Variants in DOCK9 observed in about 807,000 individuals in gnomAD.
DOCK9 encodes dedicator of cytokinesis 9, also known as dedicator of cytokinesis protein 9.
DOCK9 carries 89 observed loss-of-function variants against 263.3 expected under a neutral mutation model. The ratio of observed to expected loss-of-function variants is 0.34; its 90% confidence interval spans 0.28 to 0.40. The LOEUF is 0.40. DOCK9 is among the 10% of genes least tolerant of loss of function. The pLI is 1.00. For missense variants in DOCK9, 2,140 were observed against 2,603.4 expected (o/e 0.82, Z 3.87); for synonymous variants, 976 against 973.1 (o/e 1.00, Z -0.06).
At chr13:99,083,148 C>T (rs962422606) in intron 1 of DOCK9, among the ~76,000 whole-genome samples, 1 of 151,810 alleles carries the variant, frequency 6.6e-6, no homozygotes, top group Non-Finnish European at 1.5e-5. Flanking sequence ...CCAGCTACTC[C>T]GGAGGCTGAG....
At chr13:98,879,776 G>T in intron 27 of DOCK9, 122 bp downstream of exon 27, 1 of 703,088 alleles carries the variant, frequency 1.4e-6, no homozygotes, top group Non-Finnish European at 2.3e-6. Context: ...TTTATTACTT[G>T]TAAAGCACTT....
intron 32 of DOCK9, among the ~76,000 whole-genome samples, chr13:98,862,798 G>A (rs2093912250): frequency 6.6e-6 from 1 of 152,158 alleles, no homozygotes; most frequent in Non-Finnish European, 1.5e-5. Context: ...ACAAGCCAGA[G>A]AGCACCAAAA....
At chr13:98,949,409 C>T (rs2057133019) in intron 2 of DOCK9, among the ~76,000 whole-genome samples, 1 of 152,118 alleles carries the variant, frequency 6.6e-6, no homozygotes. Context: ...GCTTGAGTTA[C>T]TCATTCACAA....
intron 1 of DOCK9, among the ~76,000 whole-genome samples, chr13:99,002,114 C>T (rs1329881912): frequency 6.6e-6 from 1 of 152,202 alleles, no homozygotes; most frequent in Non-Finnish European, 1.5e-5. Context: ...CATTGTGCAT[C>T]AGTCAAGTAA....
chr13:98,989,335 ATGATGATGATG>A (rs1167057186), intron 1 of DOCK9, among the ~76,000 whole-genome samples: 4 of 128,116 alleles, frequency 3.1e-5, no homozygotes, highest in Middle Eastern at 4.2e-3. Flanking sequence ...GATGATGATG[ATGATGATGATG>A]ATAATAATAA....
chr13:99,087,460 G>C (rs1280081619), upstream of DOCK9, among the ~76,000 whole-genome samples: 1 of 152,220 alleles, frequency 6.6e-6, no homozygotes, highest in African/African-American at 2.4e-5. Flanking sequence ...CCTCCGCGCC[G>C]GACCGCCAGG....
chr13:99,067,454 G>A (rs1566381233), intron 1 of DOCK9, among the ~76,000 whole-genome samples: 1 of 152,146 alleles, frequency 6.6e-6, no homozygotes, highest in Non-Finnish European at 1.5e-5. Flanking sequence ...TGAGAATGTG[G>A]AAAAAGATCA....
At chr13:98,834,788 C>CT (rs749962773) in intron 39 of DOCK9, among the ~76,000 whole-genome samples, 7 of 152,142 alleles carry the variant, frequency 4.6e-5, no homozygotes, top group Non-Finnish European at 7.4e-5. Flanking sequence ...CTGATACCTG[C>CT]TAAGTGTTTG....
chr13:98,831,884 G>A (rs1566642198), intron 39 of DOCK9, 98 bp from the exon 40 acceptor site: 20 of 1,428,336 alleles, frequency 1.4e-5, no homozygotes, highest in Non-Finnish European at 1.2e-5. Context: ...TAAGTATTAA[G>A]ACAACTTATA....
At chr13:98,962,643 A>G (rs980510700) in intron 1 of DOCK9, among the ~76,000 whole-genome samples, 8 of 152,022 alleles carry the variant, frequency 5.3e-5, no homozygotes, top group African/African-American at 1.2e-4. Context: ...GTTTTAAAAA[A>G]AAAAAAAAGA....
intron 1 of DOCK9, chr13:99,025,441 G>A (rs1407810261): frequency 1.3e-5 from 2 of 152,130 alleles, no homozygotes; most frequent in African/African-American, 4.8e-5. Flanking sequence ...AAGTCAAAAC[G>A]ACAATGAGCT....
At chr13:98,845,862 T>C in intron 38 of DOCK9, 62 bp downstream of exon 38, 4 of 1,588,276 alleles carry the variant, frequency 2.5e-6, no homozygotes, top group South Asian at 1.1e-5. Context: ...GGCCTAGGGC[T>C]CTCCCCTCTG....
intron 2 of DOCK9, among the ~76,000 whole-genome samples, chr13:98,932,857 G>A (rs1439357733): frequency 6.6e-6 from 1 of 152,056 alleles, no homozygotes; most frequent in Non-Finnish European, 1.5e-5. Flanking sequence ...CAGCCTCCTA[G>A]GTCCTGACTT....
intron 1 of DOCK9, among the ~76,000 whole-genome samples, chr13:98,974,156 G>A (rs540497326): frequency 4.6e-5 from 7 of 152,152 alleles, no homozygotes; most frequent in Admixed American, 4.6e-4. Flanking sequence ...TTACGTTAGA[G>A]TTTTGAAGGG....
intron 1 of DOCK9, among the ~76,000 whole-genome samples, chr13:99,061,285 C>T (rs9584979): frequency 3.2e-4 from 49 of 152,292 alleles, no homozygotes; most frequent in African/African-American, 1.2e-3. Flanking sequence ...CTGCTGTACA[C>T]TTTCTCCTCC....
intron 2 of DOCK9, among the ~76,000 whole-genome samples, chr13:98,951,162 C>T (rs1410037026): frequency 6.6e-6 from 1 of 152,046 alleles, no homozygotes; most frequent in South Asian, 2.1e-4. Flanking sequence ...GGTAAGACAA[C>T]AAAACAATAA....
intron 30 of DOCK9, among the ~76,000 whole-genome samples, chr13:98,863,869 G>A (rs1236138150): frequency 1.3e-5 from 2 of 152,142 alleles, no homozygotes; most frequent in Non-Finnish European, 2.9e-5. Flanking sequence ...CACAGCATAT[G>A]TTATATTACA....
chr13:99,059,795 A>G (rs796442141), intron 1 of DOCK9, among the ~76,000 whole-genome samples: 1 of 151,986 alleles, frequency 6.6e-6, no homozygotes, highest in Non-Finnish European at 1.5e-5. Context: ...GAAAGCTCAC[A>G]CCATCAGCAG....
intron 1 of DOCK9, among the ~76,000 whole-genome samples, chr13:99,002,190 G>A (rs1595877967): frequency 6.6e-6 from 1 of 152,100 alleles, no homozygotes; most frequent in Admixed American, 6.5e-5. Flanking sequence ...CCCCTTGGTC[G>A]CAGGGTTTGT....
Sources: allele counts gnomAD v4.1 joint callset (sites outside exome capture counted in the v4.1 genomes callset), GRCh38; gene constraint gnomAD v4.1.1; transcripts MANE v1.5; gene names NCBI Gene and HGNC (gene_info 2026-07-23, HGNC 2026-07-21).